ITK: variants seen among roughly 807,000 people sequenced by gnomAD.
The protein encoded by ITK is IL2 inducible T cell kinase.
A neutral mutation model predicts 87.6 loss-of-function variants in ITK; 45 were observed. That is an observed-to-expected ratio of 0.51 (90% CI 0.40 to 0.66). The LOEUF (loss-of-function observed/expected upper bound fraction) is 0.66. ITK is among the 30% of genes least tolerant of loss of function. ITK has a pLI of 0.00. For missense variants in ITK, 605 were observed against 766.3 expected (o/e 0.79, Z 2.48); for synonymous variants, 303 against 273.6 (o/e 1.11, Z -1.06).
intron 2 of ITK, among the ~76,000 whole-genome samples, chr5:157,211,043 T>A (rs1050931348): frequency 1.3e-5 from 2 of 152,186 alleles, no homozygotes; most frequent in African/African-American, 4.8e-5. Context: ...TTTCTCCTGC[T>A]GTCTTAGTTT....
At chr5:157,226,990 T>G (rs1754545130) in intron 6 of ITK, among the ~76,000 whole-genome samples, 1 of 151,990 alleles carries the variant, frequency 6.6e-6, no homozygotes, top group African/African-American at 2.4e-5. Context: ...TGGCTAATTT[T>G]TATATATTTT....
rs765876948 is a variant in ITK at position 157,243,693 on chromosome 5, G to A, written c.1131G>A (p.Val377=). The stretch of plus-strand genomic sequence containing the variant: ...TTGGCAGTGGGCAATTTGGGTTGGT[G>A]CATCTGGGCTACTGGCTCAACAAGG... ...QEIGSGQFGL[V]HLGYWLNKDK... is the part of the protein sequence containing the mutation. Residue 377 remains valine (V), a synonymous_variant, in exon 12 of 17, where the codon GTG becomes GTA. Transcript: ENST00000422843. 9 of 1,613,632 alleles carry A rather than the reference G, an allele frequency of 5.6e-6. No individual in the cohort carries two copies. In the South Asian group the frequency reaches 9.9e-5, roughly 18 times the overall value.
rs144648851 is a variant in ITK, at chr5:157,242,813, G to A, written c.1061-810G>A. ...TGATTTTGATACAAGTGGTCAGAGG[G>A]CAATACTTTGAGAACCACTGCCACG... On this transcript the variant is annotated intron_variant, in intron 11 of 16. Transcript: ENST00000422843. Among the ~76,000 whole-genome samples, 6 of 152,222 alleles carry A rather than the reference G, an allele frequency of 3.9e-5. No homozygotes were observed. In the East Asian group the frequency reaches 7.7e-4, roughly 20 times the overall value.
rs140077033 is a variant in ITK at position 157,190,377 on chromosome 5, T to C, written c.138+9262T>C. On this transcript the variant is annotated intron_variant, in intron 1 of 16. Transcript: ENST00000422843. ...AAGGAAACGTTTCTGTGTTGGTACA[T>C]TTCAATTTATTCATTTGTTCCGCAA... is the stretch of plus-strand genomic sequence containing the variant. 2.8e-3 allele frequency among the ~76,000 whole-genome samples: 429 copies of C among 152,364 alleles called. 3 individuals carry two copies. Among genetic ancestry groups the C allele is most frequent in the African/African-American group, 9.7e-3 (404 of 41,592 alleles).
intron 13 of ITK, chr5:157,245,321 C>A (rs929584359): frequency 3.0e-6 from 1 of 332,360 alleles, no homozygotes; most frequent in Admixed American, 4.1e-5. Flanking sequence ...GGGTCAGGTA[C>A]TCTCCCTATT....
intron 1 of ITK, among the ~76,000 whole-genome samples, chr5:157,192,305 G>T (rs1753768139): frequency 6.6e-6 from 1 of 152,192 alleles, no homozygotes; most frequent in South Asian, 2.1e-4. Context: ...TGGTCTGAAA[G>T]GTTCCCATGA....
At position 157,184,508 on chromosome 5, in the gene ITK, C is replaced by T. The variant is rs151159351; in HGVS notation, c.138+3393C>T. ...GTGACTGATATCGGATCCTTTTCAG[C>T]GGTAAAGGGAAAATGGAGAGCCTCA... On this transcript the variant is annotated intron_variant, in intron 1 of 16. Coordinates refer to ENST00000422843, the MANE Select transcript of ITK (RefSeq NM_005546.4). 8.2e-3 allele frequency among the ~76,000 whole-genome samples: 1,244 copies of T among 152,182 alleles called. 18 individuals carry two copies. Among genetic ancestry groups the T allele is most frequent in the African/African-American group, 0.027 (1,138 of 41,510 alleles).
At chr5:157,197,410 A>G (rs1269476735) in intron 1 of ITK, among the ~76,000 whole-genome samples, 1 of 152,174 alleles carries the variant, frequency 6.6e-6, no homozygotes, top group Non-Finnish European at 1.5e-5. Flanking sequence ...GAAACTTCTA[A>G]CTGTATTAAA....
intron 8 of ITK, among the ~76,000 whole-genome samples, chr5:157,235,981 G>A (rs1754767520): frequency 6.6e-6 from 1 of 152,098 alleles, no homozygotes. Context: ...TGTATTCCAG[G>A]AGCAATTCTA....
intron 6 of ITK, among the ~76,000 whole-genome samples, chr5:157,226,167 A>G (rs1561658486): frequency 6.6e-6 from 1 of 152,216 alleles, no homozygotes; most frequent in Non-Finnish European, 1.5e-5. Context: ...TCATTCACAG[A>G]TGACCAAGTC....
chr5:157,203,777 C>G (rs766817955), intron 1 of ITK, among the ~76,000 whole-genome samples: 2 of 152,334 alleles, frequency 1.3e-5, no homozygotes, highest in African/African-American at 2.4e-5. Context: ...TTTGCAGAGG[C>G]TTTTGCGGGA....
chr5:157,244,815 G>C (rs1354610298), intron 13 of ITK: 1 of 350,836 alleles, frequency 2.9e-6, no homozygotes, highest in Non-Finnish European at 5.6e-6. Context: ...TATTATTCAA[G>C]GGTCTACCAG....
chr5:157,182,493 T>G (rs1052167237), intron 1 of ITK, among the ~76,000 whole-genome samples: 5 of 152,186 alleles, frequency 3.3e-5, no homozygotes, highest in African/African-American at 1.2e-4. Flanking sequence ...AAAGAATTGC[T>G]TGTCTTATTA....
intron 13 of ITK, 125 bp from the exon 14 acceptor site, chr5:157,245,601 C>A: frequency 1.3e-6 from 1 of 784,310 alleles, no homozygotes; most frequent in East Asian, 2.6e-5. Context: ...TTGTAAAGCT[C>A]CATGATGCCC....
At chr5:157,230,279 G>A (rs927847094) in intron 7 of ITK, among the ~76,000 whole-genome samples, 4 of 152,168 alleles carry the variant, frequency 2.6e-5, no homozygotes, top group Admixed American at 6.5e-5. Flanking sequence ...TCTGGGTTAT[G>A]TGTATATGAT....
intron 7 of ITK, among the ~76,000 whole-genome samples, chr5:157,229,075 TAATA>T (rs1483748768): frequency 2.0e-5 from 3 of 152,148 alleles, no homozygotes; most frequent in Non-Finnish European, 4.4e-5. Context: ...TAAGAATCTG[TAATA>T]AATAGATAGA....
At chr5:157,228,727 T>A (rs566752837) in intron 7 of ITK, among the ~76,000 whole-genome samples, 1 of 149,692 alleles carries the variant, frequency 6.7e-6, no homozygotes, top group East Asian at 2.0e-4. Context: ...CTCAACCTAC[T>A]GGGCTCAAGC....
At chr5:157,193,368 T>C (rs889293191) in intron 1 of ITK, among the ~76,000 whole-genome samples, 7 of 152,158 alleles carry the variant, frequency 4.6e-5, no homozygotes, top group Admixed American at 4.6e-4. Context: ...AGAAAGCATG[T>C]TGTCAAAATA....
chr5:157,245,885 G>T lies in ITK; in HGVS notation c.1519G>T (p.Val507Phe), dbSNP rs777307182. Residue 507 changes from valine (V) to phenylalanine (F), a missense_variant, in exon 15 of 17, where the codon GTT becomes TTT. Val to Phe is a conservative substitution (Grantham distance 50). This residue lies in a region of ITK where 70 missense variants were observed against 122.5 expected (regional missense o/e 0.57). Coordinates refer to ENST00000422843, the MANE Select transcript of ITK (RefSeq NM_005546.4). ...CTCCCTCCACTCTCTTCCCAGGTTCGTTCTGGATGATCAGTACACCAGTTC... is the reference window on the plus strand; with the variant it reads ...CTCCCTCCACTCTCTTCCCAGGTTCTTTCTGGATGATCAGTACACCAGTTC... ...KVSDFGMTRF[V>F]LDDQYTSSTG... 6.2e-7 allele frequency: 1 copy of T among 1,613,832 alleles called. No homozygotes were observed. The highest frequency in any genetic ancestry group is 8.5e-7 in the Non-Finnish European group (1 of 1,179,708).
Sources: gnomAD v4.1 joint callset for allele counts (sites outside exome capture counted in the v4.1 genomes callset) on GRCh38, gnomAD v4.1.1 for gene constraint, gnomAD v4.1.1 regional missense constraint, MANE v1.5 for transcripts, NCBI Gene and HGNC (gene_info 2026-07-23, HGNC 2026-07-21) for gene names.